The following BFSP1 variants were observed in gnomAD, a reference collection of about 807,000 sequenced individuals.
BFSP1 encodes the protein beaded filament structural protein 1.
BFSP1 carries 38 observed loss-of-function variants against 43.9 expected under a neutral mutation model. The observed-to-expected ratio is 0.87, with a 90% CI of 0.67 to 1.14. The LOEUF (loss-of-function observed/expected upper bound fraction) is 1.14, where lower values mean the gene tolerates loss of function less well. BFSP1 is among the 50% of genes most tolerant of loss of function. The pLI is 0.00. For missense variants in BFSP1, 850 were observed against 875.1 expected, an observed-to-expected ratio of 0.97 and a Z score of 0.36; for synonymous variants, 352 against 354.8, an observed-to-expected ratio of 0.99 and a Z score of 0.09.
chr20:17,524,751 A>G, intron 2 of BFSP1, 97 bp downstream of exon 2: 1 of 1,361,178 alleles, frequency 7.3e-7, no homozygotes, highest in Non-Finnish European at 1.1e-6. Context: ...GTGACCGCCA[A>G]AGTAACACAA....
chr20:17,523,891 G>A (rs774344190), intron 2 of BFSP1, among the ~76,000 whole-genome samples: 9 of 152,030 alleles, frequency 5.9e-5, no homozygotes, highest in African/African-American at 9.7e-5. Context: ...GTGAAGGGAT[G>A]GCAAACATCC....
chr20:17,497,840 TATAG>T (rs2033692775), intron 6 of BFSP1, among the ~76,000 whole-genome samples: 1 of 152,124 alleles, frequency 6.6e-6, no homozygotes, highest in African/African-American at 2.4e-5. Flanking sequence ...AATCAGAACT[TATAG>T]ATAAATAAAA....
intron 6 of BFSP1, among the ~76,000 whole-genome samples, chr20:17,497,664 A>G (rs139945220): frequency 1.3e-5 from 2 of 150,610 alleles, no homozygotes. Flanking sequence ...ACTCATATAT[A>G]CGTATATACA....
Position 17,531,299 on chromosome 20 carries a change from G to T in BFSP1, c.31C>A (p.Arg11Ser), listed in dbSNP as rs867175014. The change falls in exon 1 of 8, where the codon CGC (arginine) becomes AGC (serine). Residue 11 changes from arginine (R) to serine (S), a missense_variant. Arg to Ser is a moderately radical substitution (Grantham distance 110). Coordinates refer to ENST00000377873, the MANE Select transcript of BFSP1 (RefSeq NM_001195.5). ...TCGGCGTGCTCGTACTGCTCCTTGC[G>T]GGTCTGGAAGACGTAGCTGCGCCGG... is the stretch of plus-strand genomic sequence containing the variant. MYRRSYVFQT[R>S]KEQYEHADEA... 6.8e-7 allele frequency: 1 copy of T among 1,471,802 alleles called. No individual in the cohort carries two copies. Among genetic ancestry groups the T allele is most frequent in the South Asian group, 1.3e-5 (1 of 76,964 alleles). 91.2% of individuals were successfully genotyped at this position (1,471,802 alleles called of 1,614,324 possible).
At chr20:17,501,285 C>G (rs1284501685) in intron 5 of BFSP1, among the ~76,000 whole-genome samples, 1 of 152,196 alleles carries the variant, frequency 6.6e-6, no homozygotes, top group African/African-American at 2.4e-5. Flanking sequence ...CGGCAAATGG[C>G]CGGGTGTGGT....
At chr20:17,547,897 A>ATTTTTTTTTTTTTT (rs71192391) in intron 1 of BFSP1, among the ~76,000 whole-genome samples, 146 of 101,854 alleles carry the variant, frequency 1.4e-3, no homozygotes, top group Non-Finnish European at 1.7e-3. Context: ...TGCCCGGCCA[A>ATTTTTTTTTTTTTT]TTTTTTTTTT....
upstream of BFSP1, among the ~76,000 whole-genome samples, chr20:17,534,391 A>T (rs1433990884): frequency 6.6e-6 from 1 of 152,218 alleles, no homozygotes; most frequent in Non-Finnish European, 1.5e-5. Context: ...AATGAGAATA[A>T]TCACTTATGT....
At chr20:17,548,826 T>C (rs143722306) in intron 1 of BFSP1, among the ~76,000 whole-genome samples, 1 of 152,144 alleles carries the variant, frequency 6.6e-6, no homozygotes, top group Admixed American at 6.5e-5. Flanking sequence ...GTTTGTTTTT[T>C]AGATGAGGTC....
chr20:17,520,216 C>A (rs867081414), intron 2 of BFSP1, among the ~76,000 whole-genome samples: 5 of 142,646 alleles, frequency 3.5e-5, no homozygotes, highest in South Asian at 2.6e-4. Flanking sequence ...ACGTGCCCCC[C>A]CACCCCGCCC....
chr20:17,494,276 T>C lies in BFSP1; in HGVS notation c.1796A>G (p.Glu599Gly). Residue 599 changes from glutamate (E) to glycine (G), a missense_variant, in exon 8 of 8, where the codon GAG (glutamate) becomes GGG (glycine). Transcript: ENST00000377873. ...PKPAADQDGA[E>G]VLGTRSRSLP... Reference sequence around the variant, plus strand: ...GCTTCTGCTCCTAGTCCCAAGCACCTCAGCTCCATCCTGATCAGCCGCAGG... The same window carrying C: ...GCTTCTGCTCCTAGTCCCAAGCACCCCAGCTCCATCCTGATCAGCCGCAGG... 6.2e-7 allele frequency: 1 copy of C among 1,614,222 alleles called. No individual in the cohort carries two copies. Among genetic ancestry groups the C allele is most frequent in the Admixed American group, 1.7e-5 (1 of 60,032 alleles).
intron 1 of BFSP1, among the ~76,000 whole-genome samples, chr20:17,553,727 T>C (rs1478175508): frequency 6.7e-6 from 1 of 149,676 alleles, no homozygotes; most frequent in African/African-American, 2.5e-5. Context: ...GCTCATCTTA[T>C]ACCAGTTAGA....
chr20:17,520,162 T>A (rs1478207622), intron 2 of BFSP1, among the ~76,000 whole-genome samples: 1 of 151,784 alleles, frequency 6.6e-6, no homozygotes, highest in East Asian at 1.9e-4. Context: ...CCAGACCTAC[T>A]GGCTTAGAAT....
intron 2 of BFSP1, among the ~76,000 whole-genome samples, chr20:17,517,963 G>A (rs937148890): frequency 3.3e-5 from 5 of 152,090 alleles, no homozygotes; most frequent in Non-Finnish European, 5.9e-5. Flanking sequence ...AGGAACTCTC[G>A]ACAGAAGAAG....
intron 1 of BFSP1, among the ~76,000 whole-genome samples, chr20:17,542,988 C>G (rs1356799781): frequency 6.6e-6 from 1 of 152,106 alleles, no homozygotes; most frequent in African/African-American, 2.4e-5. Flanking sequence ...GTTTCAGCAC[C>G]GCTAGAGGAA....
At chr20:17,515,063 TAG>T (rs955218742) in intron 2 of BFSP1, among the ~76,000 whole-genome samples, 5 of 152,182 alleles carry the variant, frequency 3.3e-5, no homozygotes, top group South Asian at 2.1e-4. Context: ...TGGCAGTGTC[TAG>T]AGACATTTTT....
chr20:17,515,378 TA>T (rs1226692197), intron 2 of BFSP1, among the ~76,000 whole-genome samples: 1 of 152,258 alleles, frequency 6.6e-6, no homozygotes, highest in Non-Finnish European at 1.5e-5. Context: ...TGTTTTCCCT[TA>T]AATCCTGAAA....
Position 17,494,346 on chromosome 20 carries a change from C to T in BFSP1, c.1726G>A (p.Val576Ile). 6.2e-7 allele frequency: 1 copy of T among 1,614,160 alleles called. No homozygotes were observed. The highest frequency in any genetic ancestry group is 8.5e-7 in the Non-Finnish European group (1 of 1,179,992). The change falls in exon 8 of 8, where the codon GTC becomes ATC. Residue 576 changes from valine (V) to isoleucine (I), a missense_variant. Val to Ile is a conservative substitution (Grantham distance 29). Coordinates refer to ENST00000377873, the MANE Select transcript of BFSP1 (RefSeq NM_001195.5). ...DEESRRPCAMVTPGAEEPSIP... is the reference protein window; with the variant it reads ...DEESRRPCAMITPGAEEPSIP... ...GATGGTTCCTCTGCACCGGGTGTGACCATGGCACAGGGTCTCCTGGACTCT... is the reference window on the plus strand; with the variant it reads ...GATGGTTCCTCTGCACCGGGTGTGATCATGGCACAGGGTCTCCTGGACTCT...
intron 2 of BFSP1, among the ~76,000 whole-genome samples, chr20:17,524,018 T>C (rs1296590460): frequency 2.0e-5 from 3 of 152,000 alleles, no homozygotes; most frequent in South Asian, 2.1e-4. Flanking sequence ...TTTTGATGAG[T>C]TGTAGGCATG....
intron 2 of BFSP1, among the ~76,000 whole-genome samples, chr20:17,523,628 C>A (rs1375545494): frequency 6.7e-6 from 1 of 150,002 alleles, no homozygotes; most frequent in African/African-American, 2.5e-5. Context: ...TTCTCACTGC[C>A]ATCTCTGTGT....
Sources: gnomAD v4.1 joint callset for allele counts (sites outside exome capture counted in the v4.1 genomes callset) on GRCh38, gnomAD v4.1.1 for gene constraint, MANE v1.5 for transcripts, NCBI Gene and HGNC (gene_info 2026-07-23, HGNC 2026-07-21) for gene names.